The following CLSTN1 variants were observed in gnomAD, a reference collection of about 807,000 sequenced individuals.
CLSTN1 encodes calsyntenin 1.
A neutral mutation model predicts 108.3 loss-of-function variants in CLSTN1; 28 were observed. That is an observed-to-expected ratio of 0.26 (90% confidence interval 0.19 to 0.35). The LOEUF is 0.35. CLSTN1 is among the 10% of genes least tolerant of loss of function. The pLI is 1.00. For synonymous variants in CLSTN1, 524 were observed against 534.9 expected, an observed-to-expected ratio of 0.98 and a Z score of 0.28; for missense variants, 1,157 against 1,302.6, an observed-to-expected ratio of 0.89 and a Z score of 1.72.
intron 1 of CLSTN1, among the ~76,000 whole-genome samples, chr1:9,821,767 T>G (rs1655199363): frequency 6.6e-6 from 1 of 152,178 alleles, no homozygotes. Flanking sequence ...TCCAAGACAT[T>G]TTCTAACTTG....
intron 10 of CLSTN1, among the ~76,000 whole-genome samples, chr1:9,737,941 G>A (rs1351846970): frequency 6.6e-6 from 1 of 152,180 alleles, no homozygotes; most frequent in Non-Finnish European, 1.5e-5. Context: ...ACACCACCAA[G>A]TTCCGGACCA....
chr1:9,736,046 TG>T lies in CLSTN1; in HGVS notation c.1577-5del. 2 of 1,614,126 alleles carry T rather than the reference TG, an allele frequency of 1.2e-6. No homozygotes were observed. The highest frequency in any genetic ancestry group is 1.7e-6 in the Non-Finnish European group (2 of 1,180,016). On this transcript the variant is annotated splice_polypyrimidine_tract_variant and splice_region_variant and intron_variant, in intron 11 of 18. Transcript: ENST00000377298. Reference sequence around the variant, plus strand: ...TGGGTCATGTGCAGGTCGCCACCTTTGGGTCAGGGGAGAAAAGGCGAAGTCA... The same window carrying T: ...TGGGTCATGTGCAGGTCGCCACCTTTGGTCAGGGGAGAAAAGGCGAAGTCA...
chr1:9,749,399 TGTAAAG>T, intron 7 of CLSTN1, 56 bp downstream of exon 7: 1 of 1,411,166 alleles, frequency 7.1e-7, no homozygotes. Flanking sequence ...TATTTCCAGT[TGTAAAG>T]GTCCCTCCCA....
intron 1 of CLSTN1, among the ~76,000 whole-genome samples, chr1:9,822,099 C>T (rs1424140599): frequency 2.6e-5 from 4 of 152,172 alleles, no homozygotes; most frequent in Non-Finnish European, 4.4e-5. Flanking sequence ...CCAAAATACC[C>T]AATCCAAGCA....
At chr1:9,800,514 T>G (rs914689869) in intron 1 of CLSTN1, among the ~76,000 whole-genome samples, 4 of 129,306 alleles carry the variant, frequency 3.1e-5, no homozygotes, top group Admixed American at 9.1e-5. Context: ...GGTCAGGAGA[T>G]CAAGACCATC....
At chr1:9,774,907 T>C (rs1357349879) in intron 1 of CLSTN1, among the ~76,000 whole-genome samples, 2 of 152,178 alleles carry the variant, frequency 1.3e-5, no homozygotes, top group East Asian at 1.9e-4. Context: ...CGGAAAGATA[T>C]GGGAAATTCC....
At position 9,730,024 on chromosome 1, in the gene CLSTN1, A is replaced by C. The variant is rs910001624; in HGVS notation, c.*484T>G. 1 of 164,578 alleles carries C rather than the reference A, an allele frequency of 6.1e-6. No homozygotes were observed. Among genetic ancestry groups the C allele is most frequent in the Non-Finnish European group, 1.4e-5 (1 of 73,898 alleles). The allele number at this position is 164,578 out of a possible 1,614,324, so 10.2% of individuals were successfully genotyped here. On this transcript the variant is annotated 3_prime_UTR_variant, in exon 19 of 19. Transcript: ENST00000377298. The surrounding 1 kb of genome is among the most constrained non-coding windows in gnomAD (Gnocchi z 5.6). ...TTTATTTACAAAATATTAAAAAGTC[A>C]GTTAATCATCTACACAGTACCCCCC...
chr1:9,790,813 C>T (rs1374518856), intron 1 of CLSTN1, among the ~76,000 whole-genome samples: 2 of 150,884 alleles, frequency 1.3e-5, no homozygotes, highest in Non-Finnish European at 2.9e-5. Context: ...GTGACGATCG[C>T]AAATGTGCTT....
rs35261177 is a variant in CLSTN1 at position 9,749,618 on chromosome 1, C to T, written c.828G>A (p.Pro276=). ...QGWNNRIEYE[P]GTGALAVFPN... ...GAAAGACGGCCAACGCGCCGGTGCC[C>T]GGCTCATACTCAATCCTGTTGTTCC... Residue 276 remains proline (P), a synonymous_variant, in exon 7 of 19, where the codon CCG becomes CCA. Transcript: ENST00000377298. The T allele has an allele frequency of 1.1e-3, 1,774 of 1,614,110 alleles. 15 individuals carry two copies. In the African/African-American group the frequency reaches 0.018, roughly 16 times the overall value.
chr1:9,778,208 TTA>T (rs1653048088), intron 1 of CLSTN1, among the ~76,000 whole-genome samples: 1 of 145,396 alleles, frequency 6.9e-6, no homozygotes, highest in Non-Finnish European at 1.5e-5. Flanking sequence ...GGTGGTGGTG[TTA>T]TTTCTCCTCC....
At chr1:9,796,187 A>G (rs1256482386) in intron 1 of CLSTN1, among the ~76,000 whole-genome samples, 2 of 147,236 alleles carry the variant, frequency 1.4e-5, no homozygotes, top group Non-Finnish European at 3.0e-5. Flanking sequence ...GCTTGAACCT[A>G]GGAGGCAGAG....
rs140450699 is a variant in CLSTN1, at chr1:9,795,632, T to G, written c.92-22238A>C. Among the ~76,000 whole-genome samples the G allele has an allele frequency of 1.1e-4, 16 of 151,266 alleles. 2 individuals are homozygous for G. The East Asian group carries it at 3.2e-3, about 30-fold the overall frequency. ...AAGACATGAAGGAAAAAGAAAAAAA[T>G]GTACTTTCCTTAAGTTATTTTAAGG... On this transcript the variant is annotated intron_variant, in intron 1 of 18. Transcript: ENST00000377298.
intron 5 of CLSTN1, among the ~76,000 whole-genome samples, chr1:9,750,375 T>C (rs1651496502): frequency 1.3e-5 from 2 of 152,188 alleles, no homozygotes; most frequent in African/African-American, 2.4e-5. Flanking sequence ...GTGTTTGCAA[T>C]GTCCATAATT....
chr1:9,756,430 A>T, intron 3 of CLSTN1, 51 bp downstream of exon 3: 1 of 1,507,134 alleles, frequency 6.6e-7, no homozygotes, highest in Non-Finnish European at 9.2e-7. Context: ...TTTTATAAAC[A>T]AAGTTAGTGG....
intron 1 of CLSTN1, among the ~76,000 whole-genome samples, chr1:9,797,750 G>A (rs1343100657): frequency 1.3e-5 from 2 of 152,036 alleles, no homozygotes; most frequent in Non-Finnish European, 2.9e-5. Flanking sequence ...AAGCTGATAC[G>A]GAGAGAGAGA....
At chr1:9,797,887 A>C (rs1400495824) in intron 1 of CLSTN1, among the ~76,000 whole-genome samples, 1 of 151,872 alleles carries the variant, frequency 6.6e-6, no homozygotes, top group Admixed American at 6.6e-5. Flanking sequence ...TGCGACCAGG[A>C]GTTCGAGGCC....
intron 2 of CLSTN1, among the ~76,000 whole-genome samples, chr1:9,759,304 C>T (rs1651957779): frequency 6.6e-6 from 1 of 152,130 alleles, no homozygotes; most frequent in African/African-American, 2.4e-5. Flanking sequence ...AGATGGAGTC[C>T]TTGCTCTGTT....
At chr1:9,820,507 A>C (rs1486655274) in intron 1 of CLSTN1, among the ~76,000 whole-genome samples, 1 of 152,132 alleles carries the variant, frequency 6.6e-6, no homozygotes, top group Non-Finnish European at 1.5e-5. Flanking sequence ...TGACAGAATG[A>C]GACTCTGTCA....
At chr1:9,781,513 G>A (rs960236100) in intron 1 of CLSTN1, among the ~76,000 whole-genome samples, 1 of 150,678 alleles carries the variant, frequency 6.6e-6, no homozygotes, top group Non-Finnish European at 1.5e-5. Flanking sequence ...GCGTGATCTC[G>A]GCTCACTGCA....
Sources: gnomAD v4.1 joint callset for allele counts (sites outside exome capture counted in the v4.1 genomes callset) on GRCh38, gnomAD v4.1.1 for gene constraint, Gnocchi (gnomAD v3.1) non-coding constraint, MANE v1.5 for transcripts, NCBI Gene and HGNC (gene_info 2026-07-23, HGNC 2026-07-21) for gene names.